BACH2: variants seen among roughly 807,000 people sequenced by gnomAD.
BACH2 encodes BACH transcriptional regulator 2.
Under a neutral mutation model 61.8 loss-of-function variants are expected in BACH2, and 5 were observed. The ratio of observed to expected loss-of-function variants is 0.08; its 90% confidence interval spans 0.04 to 0.17. BACH2 has a LOEUF of 0.17. BACH2 is among the 10% of genes least tolerant of loss of function. The probability of loss-of-function intolerance (pLI) is 1.00; values close to 1 mark genes in which losing one functional copy is unlikely to be tolerated. For synonymous variants in BACH2, 446 were observed against 440.1 expected (o/e 1.01, Z -0.17); for missense variants, 824 against 1,091.1 (o/e 0.76, Z 3.45).
rs1365709598 is a variant in BACH2 at position 90,029,845 on chromosome 6, T to C, written c.-12-20989A>G. Reference sequence around the variant, plus strand: ...ATTTATCCACAGAAAACTTACTCCATTCTAAGCAATGCGACCGTTAGAGAA... The same window carrying C: ...ATTTATCCACAGAAAACTTACTCCACTCTAAGCAATGCGACCGTTAGAGAA... On this transcript the variant is annotated intron_variant, in intron 5 of 8. Transcript: ENST00000257749. Among the ~76,000 whole-genome samples the C allele has an allele frequency of 5.3e-5, 8 of 152,292 alleles. No individual in the cohort carries two copies. The East Asian group carries it at 1.5e-3, about 29-fold the overall frequency.
chr6:90,017,031 A>T (rs1246813927), intron 5 of BACH2, among the ~76,000 whole-genome samples: 1 of 151,914 alleles, frequency 6.6e-6, no homozygotes, highest in Non-Finnish European at 1.5e-5. Context: ...AGCTTCTTGG[A>T]TACGTGGATA....
At chr6:90,215,391 C>A (rs529067667) in intron 3 of BACH2, among the ~76,000 whole-genome samples, 1 of 152,260 alleles carries the variant, frequency 6.6e-6, no homozygotes, top group Non-Finnish European at 1.5e-5. Flanking sequence ...TGAGTATAGA[C>A]ACCATAGCCC....
intron 5 of BACH2, among the ~76,000 whole-genome samples, chr6:90,048,607 T>C (rs1042044242): frequency 2.0e-5 from 3 of 152,214 alleles, no homozygotes; most frequent in Admixed American, 2.0e-4. Flanking sequence ...AGGGTTGAGG[T>C]AAACATTTCT....
chr6:90,108,307 G>A (rs1435546024), intron 4 of BACH2, among the ~76,000 whole-genome samples: 1 of 152,102 alleles, frequency 6.6e-6, no homozygotes, highest in African/African-American at 2.4e-5. Context: ...TGGGAAGGTG[G>A]ACAGCATGTG....
intron 8 of BACH2, 64 bp downstream of exon 8, chr6:89,938,080 G>A (rs1365881767): frequency 6.8e-7 from 1 of 1,481,354 alleles, no homozygotes; most frequent in African/African-American, 1.4e-5. Flanking sequence ...AACTTTCATT[G>A]CTGTTACTTT....
At chr6:89,958,311 C>T (rs1774537862) in intron 6 of BACH2, among the ~76,000 whole-genome samples, 1 of 152,208 alleles carries the variant, frequency 6.6e-6, no homozygotes. Context: ...CAACGATGTG[C>T]TAGGCACTCA....
chr6:90,239,235 T>C (rs1770354123), intron 3 of BACH2, among the ~76,000 whole-genome samples: 1 of 152,226 alleles, frequency 6.6e-6, no homozygotes, highest in Admixed American at 6.5e-5. Context: ...TGGTAATCTT[T>C]GAAATTAGGG....
At chr6:90,215,811 T>C (rs1025185421) in intron 3 of BACH2, among the ~76,000 whole-genome samples, 1 of 152,174 alleles carries the variant, frequency 6.6e-6, no homozygotes, top group Non-Finnish European at 1.5e-5. Context: ...GGGTAGAAAG[T>C]GCTTACGGGT....
chr6:90,021,187 T>C (rs1470167516), intron 5 of BACH2, among the ~76,000 whole-genome samples: 1 of 151,866 alleles, frequency 6.6e-6, no homozygotes, highest in African/African-American at 2.4e-5. Context: ...ATAGTATTAA[T>C]GAATACAGAC....
At position 90,293,046 on chromosome 6, in the gene BACH2, C is replaced by T. The variant is rs1314924076; in HGVS notation, c.-446+3434G>A. Among the ~76,000 whole-genome samples, 6 of 152,074 alleles carry T rather than the reference C, an allele frequency of 3.9e-5. No individual in the cohort carries two copies. In the East Asian group the frequency reaches 5.8e-4, roughly 15 times the overall value. On this transcript the variant is annotated intron_variant, in intron 1 of 8. Transcript: ENST00000257749. ...TGCAGGGCTCAGTGAAAAATGAAAA[C>T]GAGGGGCCCTTTGTTCAAAAATTAT...
intron 6 of BACH2, among the ~76,000 whole-genome samples, chr6:89,996,002 G>C (rs1233873445): frequency 6.6e-6 from 1 of 152,126 alleles, no homozygotes; most frequent in Non-Finnish European, 1.5e-5. Flanking sequence ...CTAAATGTTG[G>C]AGCTCAATCT....
At chr6:90,289,565 G>A (rs983437594) in intron 1 of BACH2, among the ~76,000 whole-genome samples, 5 of 152,096 alleles carry the variant, frequency 3.3e-5, no homozygotes, top group Non-Finnish European at 7.4e-5. Context: ...TGGCTTCCCT[G>A]GGACACACTG....
chr6:89,974,299 T>C (rs994857947), intron 6 of BACH2, among the ~76,000 whole-genome samples: 2 of 152,152 alleles, frequency 1.3e-5, no homozygotes, highest in South Asian at 4.2e-4. Context: ...CATATGGAGA[T>C]AATAATGGTA....
At chr6:90,123,794 G>C (rs201524226) in intron 4 of BACH2, among the ~76,000 whole-genome samples, 1 of 114,818 alleles carries the variant, frequency 8.7e-6, no homozygotes, top group Non-Finnish European at 1.7e-5. Context: ...AAAAAAAAAA[G>C]AAGACCGGTG....
intron 5 of BACH2, among the ~76,000 whole-genome samples, chr6:90,014,493 T>TTTTTTTTA: frequency 8.2e-6 from 1 of 121,450 alleles, no homozygotes; most frequent in Non-Finnish European, 1.7e-5. Context: ...TTTTTTTTTT[T>TTTTTTTTA]AGACAGATTC....
Position 90,182,412 on chromosome 6 carries a change from G to A in BACH2, c.-162+24157C>T, listed in dbSNP as rs959332591. On this transcript the variant is annotated intron_variant, in intron 4 of 8. Coordinates refer to ENST00000257749, the MANE Select transcript of BACH2 (RefSeq NM_021813.4). ...TTGCAGCTCAAATATCACGTTCTCC[G>A]TCAAGGATTTCCTACCTCATCCAGG... Among the ~76,000 whole-genome samples, 125 of 152,050 alleles carry A rather than the reference G, an allele frequency of 8.2e-4. 3 individuals are homozygous for A. The highest frequency in any genetic ancestry group is 1.9e-4 in the Non-Finnish European group (13 of 68,024).
At chr6:90,165,202 C>A (rs2127834787) in intron 4 of BACH2, among the ~76,000 whole-genome samples, 1 of 152,292 alleles carries the variant, frequency 6.6e-6, no homozygotes, top group East Asian at 1.9e-4. Flanking sequence ...AGCTGATAAG[C>A]AACTTCAGCA....
intron 4 of BACH2, among the ~76,000 whole-genome samples, chr6:90,132,103 A>C (rs1332443119): frequency 6.6e-6 from 1 of 152,256 alleles, no homozygotes; most frequent in African/African-American, 2.4e-5. Flanking sequence ...GGTAGCAGTA[A>C]AAATGGATAC....
chr6:90,135,086 TC>T (rs1784226798), intron 4 of BACH2, among the ~76,000 whole-genome samples: 1 of 152,194 alleles, frequency 6.6e-6, no homozygotes, highest in Admixed American at 6.5e-5. Flanking sequence ...CAGTATCACC[TC>T]CCTGGCAGCA....
Sources: allele counts gnomAD v4.1 joint callset (sites outside exome capture counted in the v4.1 genomes callset), GRCh38; gene constraint gnomAD v4.1.1; transcripts MANE v1.5; gene names NCBI Gene and HGNC (gene_info 2026-07-23, HGNC 2026-07-21).